The following CTIF variants were observed in gnomAD, a reference collection of about 807,000 sequenced individuals.
CTIF encodes CBP80/20-dependent translation initiation factor.
Under a neutral mutation model 66.0 loss-of-function variants are expected in CTIF, and 21 were observed. The observed-to-expected ratio is 0.32, with a 90% confidence interval of 0.23 to 0.46. The LOEUF (loss-of-function observed/expected upper bound fraction) is 0.46, where lower values mean the gene tolerates loss of function less well. CTIF is among the 20% of genes least tolerant of loss of function. CTIF has a pLI of 1.00. For missense variants in CTIF, 739 were observed against 812.7 expected, an observed-to-expected ratio of 0.91 and a Z score of 1.10; for synonymous variants, 345 against 326.4, an observed-to-expected ratio of 1.06 and a Z score of -0.62.
chr18:48,750,871 G>A (rs991879246), intron 7 of CTIF, among the ~76,000 whole-genome samples: 11 of 152,200 alleles, frequency 7.2e-5, no homozygotes, highest in Non-Finnish European at 1.5e-4. Context: ...CAGCAATGGT[G>A]TGCAAGCTGC....
intron 3 of CTIF, among the ~76,000 whole-genome samples, chr18:48,655,297 T>TAA (rs35564462): frequency 2.6e-4 from 28 of 106,194 alleles, no homozygotes; most frequent in African/African-American, 9.7e-4. Context: ...AGAGCAAGAC[T>TAA]AAAAAAAAAA....
At chr18:48,859,049 T>C (rs894202668) in intron 11 of CTIF, among the ~76,000 whole-genome samples, 1 of 152,084 alleles carries the variant, frequency 6.6e-6, no homozygotes, top group Non-Finnish European at 1.5e-5. Context: ...GGGAGGCTCT[T>C]GGGTAAAAGG....
At chr18:48,601,458 T>A (rs2090089084) in intron 1 of CTIF, among the ~76,000 whole-genome samples, 1 of 152,116 alleles carries the variant, frequency 6.6e-6, no homozygotes, top group South Asian at 2.1e-4. Context: ...GGGAAAGCTG[T>A]CCCCCCGAGG....
At chr18:48,625,570 G>T (rs12966613) in intron 2 of CTIF, among the ~76,000 whole-genome samples, 23,132 of 151,998 alleles carry the variant, frequency 0.15, 1,884 homozygotes, top group South Asian at 0.25. Flanking sequence ...TCCTGACATA[G>T]GTATGACTTG....
chr18:48,805,643 G>A (rs1489311377), intron 9 of CTIF, among the ~76,000 whole-genome samples: 2 of 152,228 alleles, frequency 1.3e-5, no homozygotes, highest in Non-Finnish European at 2.9e-5. Flanking sequence ...TGGCAAAAAT[G>A]TTACCCACAA....
chr18:48,793,945 C>T (rs1056186912), intron 9 of CTIF, among the ~76,000 whole-genome samples: 8 of 152,148 alleles, frequency 5.3e-5, no homozygotes, highest in African/African-American at 1.9e-4. Flanking sequence ...CACCCATGCC[C>T]GCACAGTGCT....
intron 7 of CTIF, among the ~76,000 whole-genome samples, chr18:48,748,608 G>A (rs1186484547): frequency 6.6e-6 from 1 of 152,084 alleles, no homozygotes; most frequent in Non-Finnish European, 1.5e-5. Context: ...ATAACAGAGG[G>A]GCAGAGAAGT....
intron 9 of CTIF, among the ~76,000 whole-genome samples, chr18:48,771,785 C>A (rs957367461): frequency 6.6e-6 from 1 of 152,218 alleles, no homozygotes; most frequent in East Asian, 1.9e-4. Flanking sequence ...GACAGCAGAT[C>A]CTTCCCCCCA....
intron 6 of CTIF, among the ~76,000 whole-genome samples, chr18:48,710,131 G>A (rs2092207622): frequency 6.6e-6 from 1 of 152,236 alleles, no homozygotes. Context: ...GCAAAACAGT[G>A]GGACCCTCCT....
At position 48,631,214 on chromosome 18, in the gene CTIF, T is replaced by C. The variant is rs1598768609; in HGVS notation, c.181-5400T>C. Among the ~76,000 whole-genome samples the C allele has an allele frequency of 5.3e-5, 8 of 152,258 alleles. No individual in the cohort carries two copies. The Middle Eastern group carries it at 0.027, about 518-fold the overall frequency. On this transcript the variant is annotated intron_variant, in intron 2 of 11. Coordinates refer to ENST00000256413, the MANE Select transcript of CTIF (RefSeq NM_014772.3). The stretch of plus-strand genomic sequence containing the variant: ...GTGTGGTGGCTCCCACCTGTAATCC[T>C]AGCACTTGGGAGGCCAAGGCAGGTG...
At chr18:48,679,439 C>T (rs1388849345) in intron 6 of CTIF, among the ~76,000 whole-genome samples, 5 of 152,172 alleles carry the variant, frequency 3.3e-5, no homozygotes, top group Admixed American at 1.3e-4. Context: ...ATAAGAACTG[C>T]GCTTGGAGAT....
chr18:48,596,644 A>C (rs1254205965), intron 1 of CTIF, among the ~76,000 whole-genome samples: 1 of 151,782 alleles, frequency 6.6e-6, no homozygotes, highest in East Asian at 1.9e-4. Flanking sequence ...CACCTGGCTA[A>C]TTTTTTGTAT....
chr18:48,554,928 G>A (rs1206179559), intron 1 of CTIF, among the ~76,000 whole-genome samples: 1 of 152,240 alleles, frequency 6.6e-6, no homozygotes, highest in Non-Finnish European at 1.5e-5. Flanking sequence ...AGCCCTGGCT[G>A]TGATCTGAGA....
chr18:48,707,444 A>G (rs1183535980), intron 6 of CTIF, among the ~76,000 whole-genome samples: 1 of 152,180 alleles, frequency 6.6e-6, no homozygotes, highest in Non-Finnish European at 1.5e-5. Flanking sequence ...GCATCTTAAC[A>G]GATAATGTTT....
intron 10 of CTIF, among the ~76,000 whole-genome samples, chr18:48,849,864 G>A (rs2069162753): frequency 6.6e-6 from 1 of 152,142 alleles, no homozygotes; most frequent in Admixed American, 6.5e-5. Flanking sequence ...GATTACAGGC[G>A]TGAGCCACCG....
chr18:48,793,960 G>A (rs916794129), intron 9 of CTIF, among the ~76,000 whole-genome samples: 1 of 152,302 alleles, frequency 6.6e-6, no homozygotes, highest in Admixed American at 6.5e-5. Context: ...AGTGCTGGCA[G>A]TGGGATACTA....
At chr18:48,555,987 G>A (rs1222185293) in intron 1 of CTIF, among the ~76,000 whole-genome samples, 1 of 152,212 alleles carries the variant, frequency 6.6e-6, no homozygotes, top group Non-Finnish European at 1.5e-5. Context: ...TTTGCCAGGA[G>A]GAGGCAGGCA....
At chr18:48,767,307 TA>T (rs1909663272) in intron 9 of CTIF, among the ~76,000 whole-genome samples, 1 of 152,136 alleles carries the variant, frequency 6.6e-6, no homozygotes, top group Non-Finnish European at 1.5e-5. Context: ...TGCCTCTTTT[TA>T]TGGGACCTTT....
intron 1 of CTIF, among the ~76,000 whole-genome samples, chr18:48,561,736 C>T (rs1237220699): frequency 6.6e-6 from 1 of 152,204 alleles, no homozygotes; most frequent in African/African-American, 2.4e-5. Context: ...CTTCTCTTTT[C>T]CTTCCTGGGG....
Sources: gnomAD v4.1 joint callset for allele counts (sites outside exome capture counted in the v4.1 genomes callset) on GRCh38, gnomAD v4.1.1 for gene constraint, MANE v1.5 for transcripts, NCBI Gene and HGNC (gene_info 2026-07-23, HGNC 2026-07-21) for gene names.